Variants in TTC28 observed in about 807,000 individuals in gnomAD.
TTC28 encodes the protein tetratricopeptide repeat protein 28.
Under a neutral mutation model 198.0 loss-of-function variants are expected in TTC28, and 61 were observed. The observed-to-expected ratio is 0.31, with a 90% confidence interval of 0.25 to 0.38. The LOEUF is 0.38. Ranked by LOEUF, TTC28 falls within the 10% of genes least tolerant of loss-of-function variation. The probability of loss-of-function intolerance (pLI) is 1.00; values close to 1 mark genes in which losing one functional copy is unlikely to be tolerated. For missense variants in TTC28, 2,678 were observed against 3,164.0 expected, an observed-to-expected ratio of 0.85 and a Z score of 3.69; for synonymous variants, 1,171 against 1,297.8, an observed-to-expected ratio of 0.90 and a Z score of 2.10.
chr22:28,475,651 T>A (rs552339569), intron 2 of TTC28, among the ~76,000 whole-genome samples: 14 of 152,236 alleles, frequency 9.2e-5, no homozygotes, highest in Non-Finnish European at 1.8e-4. Context: ...ATATTCCAAG[T>A]AATAACATAA....
At chr22:28,277,427 T>A (rs368980373) in intron 5 of TTC28, among the ~76,000 whole-genome samples, 1 of 152,220 alleles carries the variant, frequency 6.6e-6, no homozygotes, top group East Asian at 1.9e-4. Context: ...ATCATCTGTA[T>A]CAGTGAATGG....
chr22:28,027,220 G>A (rs577595512), intron 13 of TTC28, among the ~76,000 whole-genome samples: 4 of 152,216 alleles, frequency 2.6e-5, no homozygotes, highest in Non-Finnish European at 2.9e-5. Context: ...CCAGTCCTCC[G>A]CGTCACTCCC....
At chr22:28,474,886 A>C (rs2048140837) in intron 2 of TTC28, among the ~76,000 whole-genome samples, 1 of 152,184 alleles carries the variant, frequency 6.6e-6, no homozygotes, top group South Asian at 2.1e-4. Flanking sequence ...AAACAAAAAA[A>C]AGTAATTTGG....
chr22:28,099,623 T>C (rs11912573), intron 9 of TTC28, among the ~76,000 whole-genome samples: 6,413 of 152,254 alleles, frequency 0.042, 472 homozygotes, highest in African/African-American at 0.15. Context: ...TAATCGATTT[T>C]TGACAGACAA....
chr22:28,607,135 C>G (rs1279624720), intron 2 of TTC28, among the ~76,000 whole-genome samples: 1 of 152,134 alleles, frequency 6.6e-6, no homozygotes, highest in African/African-American at 2.4e-5. Flanking sequence ...ACCTCTAGCT[C>G]ATACCTGCAT....
chr22:28,443,314 C>T (rs1218041300), intron 2 of TTC28, among the ~76,000 whole-genome samples: 1 of 152,214 alleles, frequency 6.6e-6, no homozygotes, highest in African/African-American at 2.4e-5. Flanking sequence ...CCCCTTTTGG[C>T]GAATTCTCCT....
chr22:28,106,986 A>G (rs1942326435), intron 7 of TTC28, 76 bp downstream of exon 7: 1 of 1,472,386 alleles, frequency 6.8e-7, no homozygotes, highest in Non-Finnish European at 9.0e-7. Context: ...TGCCATGCAG[A>G]CACGAAGTTG....
intron 2 of TTC28, among the ~76,000 whole-genome samples, chr22:28,469,968 T>TG (rs1341533323): frequency 6.6e-6 from 1 of 152,162 alleles, no homozygotes; most frequent in Non-Finnish European, 1.5e-5. Context: ...CCACAGTAGC[T>TG]GAGACTATAG....
At chr22:27,994,878 C>T (rs980023202) in intron 17 of TTC28, among the ~76,000 whole-genome samples, 10 of 152,078 alleles carry the variant, frequency 6.6e-5, no homozygotes, top group South Asian at 4.2e-4. Context: ...TCGGGGGTGA[C>T]GGGACCCGAG....
intron 12 of TTC28, among the ~76,000 whole-genome samples, chr22:28,041,570 A>G (rs1939641494): frequency 6.6e-6 from 1 of 152,352 alleles, no homozygotes; most frequent in African/African-American, 2.4e-5. Flanking sequence ...TACACCGTAT[A>G]CAAAAATTAA....
chr22:28,601,413 GA>G (rs34502242), intron 2 of TTC28, among the ~76,000 whole-genome samples: 2 of 151,466 alleles, frequency 1.3e-5, no homozygotes, highest in Non-Finnish European at 2.9e-5. Context: ...AAACCTTTTT[GA>G]AAAAAAATTG....
chr22:28,393,312 A>G (rs2046764405), intron 2 of TTC28, among the ~76,000 whole-genome samples: 1 of 152,174 alleles, frequency 6.6e-6, no homozygotes, highest in Admixed American at 6.5e-5. Context: ...GCTCATGTCA[A>G]TAGCATATAG....
intron 2 of TTC28, among the ~76,000 whole-genome samples, chr22:28,611,722 T>C (rs946016433): frequency 2.9e-5 from 4 of 139,772 alleles, no homozygotes; most frequent in Admixed American, 1.5e-4. Context: ...TGTGATCTCA[T>C]TGTTCAATTC....
At chr22:28,508,441 G>A (rs1360476139) in intron 2 of TTC28, among the ~76,000 whole-genome samples, 1 of 152,014 alleles carries the variant, frequency 6.6e-6, no homozygotes, top group Non-Finnish European at 1.5e-5. Context: ...CTGCCAAGAT[G>A]CCCGGCTAAT....
intron 1 of TTC28, among the ~76,000 whole-genome samples, chr22:28,663,341 A>G (rs1261158231): frequency 6.8e-6 from 1 of 146,130 alleles, no homozygotes; most frequent in Non-Finnish European, 1.5e-5. Flanking sequence ...TCCCAGCGTG[A>G]GCGACACAGA....
At position 27,991,614 on chromosome 22, in the gene TTC28, TAAC is replaced by T. The variant is rs371174494; in HGVS notation, c.5554-805_5554-803del. Among the ~76,000 whole-genome samples, 38 of 152,328 alleles carry T rather than the reference TAAC, an allele frequency of 2.5e-4. No homozygotes were observed. In the South Asian group the frequency reaches 7.9e-3, roughly 32 times the overall value. The stretch of plus-strand genomic sequence containing the variant: ...GAAATTTGCTGGCAAATATCTCTAA[TAAC>T]AACATATATTACTTTTTCAAATTGT... On this transcript the variant is annotated intron_variant, in intron 19 of 22. Transcript: ENST00000397906.
intron 5 of TTC28, among the ~76,000 whole-genome samples, chr22:28,292,828 G>C (rs369254195): frequency 6.6e-5 from 10 of 152,266 alleles, no homozygotes; most frequent in African/African-American, 2.4e-4. Context: ...CAAAAAGAAA[G>C]TAAGTCCCTC....
At chr22:28,658,294 T>A (rs1407327055) in intron 1 of TTC28, among the ~76,000 whole-genome samples, 1 of 152,196 alleles carries the variant, frequency 6.6e-6, no homozygotes, top group East Asian at 1.9e-4. Flanking sequence ...AGTAAATATA[T>A]GAAATAATTC....
chr22:28,347,187 C>T (rs953062166), intron 2 of TTC28, among the ~76,000 whole-genome samples: 23 of 151,450 alleles, frequency 1.5e-4, no homozygotes, highest in African/African-American at 5.6e-4. Context: ...TTGCTTGAAC[C>T]CAGGAGGTGG....
Sources: allele counts gnomAD v4.1 joint callset (sites outside exome capture counted in the v4.1 genomes callset), GRCh38; gene constraint gnomAD v4.1.1; transcripts MANE v1.5; gene names NCBI Gene and HGNC (gene_info 2026-07-23, HGNC 2026-07-21).